Variants in GALNTL6 observed in about 807,000 individuals in gnomAD.
GALNTL6 encodes the protein polypeptide N-acetylgalactosaminyltransferase like 6, also known as polypeptide N-acetylgalactosaminyltransferase-like 6.
In GALNTL6, 46 loss-of-function variants were observed where a neutral mutation model predicts 73.7. The observed-to-expected ratio is 0.62, with a 90% CI of 0.49 to 0.80. The LOEUF (loss-of-function observed/expected upper bound fraction) is 0.80, where lower values mean the gene tolerates loss of function less well. Among genes scored for constraint, GALNTL6 ranks in the 30% least tolerant of loss-of-function variants. The pLI is 0.00. For missense variants in GALNTL6, 604 were observed against 755.0 expected (o/e 0.80, Z 2.34); for synonymous variants, 259 against 263.7 (o/e 0.98, Z 0.17).
chr4:172,140,853 T>C (rs1003858953), intron 2 of GALNTL6, among the ~76,000 whole-genome samples: 4 of 151,978 alleles, frequency 2.6e-5, no homozygotes, highest in South Asian at 2.1e-4. Context: ...TCAAGTATCA[T>C]TGGCACTCAG....
intron 2 of GALNTL6, among the ~76,000 whole-genome samples, chr4:171,858,832 G>A (rs760800452): frequency 9.9e-5 from 15 of 151,816 alleles, no homozygotes; most frequent in Non-Finnish European, 1.8e-4. Flanking sequence ...ATAAAGCTCA[G>A]GAAAAACTCC....
Position 171,883,799 on chromosome 4 carries a change from C to A in GALNTL6, c.138+69081C>A, listed in dbSNP as rs1021011330. 5.3e-5 allele frequency among the ~76,000 whole-genome samples: 8 copies of A among 152,048 alleles called. No homozygotes were observed. The South Asian group carries it at 8.3e-4, about 16-fold the overall frequency. Reference sequence around the variant, plus strand: ...AGTAGCTGGGACTACAGGCGCCTGCCACCACACCTGGCTAATTTTTTGTAT... The same window carrying A: ...AGTAGCTGGGACTACAGGCGCCTGCAACCACACCTGGCTAATTTTTTGTAT... On this transcript the variant is annotated intron_variant, in intron 2 of 12. Coordinates refer to ENST00000506823, the MANE Select transcript of GALNTL6 (RefSeq NM_001034845.3).
intron 2 of GALNTL6, among the ~76,000 whole-genome samples, chr4:171,917,638 C>G (rs1308600001): frequency 6.6e-6 from 1 of 152,092 alleles, no homozygotes; most frequent in Non-Finnish European, 1.5e-5. Context: ...GGAGCAAACT[C>G]ATGTTTTCTT....
rs143500181 is a variant in GALNTL6 at position 172,934,343 on chromosome 4, A to C, written c.1149+3075A>C. Among the ~76,000 whole-genome samples, 297 of 152,324 alleles carry C rather than the reference A, an allele frequency of 1.9e-3. 1 individual carries two copies. The highest frequency in any genetic ancestry group is 6.7e-3 in the African/African-American group (280 of 41,570). ...CTAATATTTCACCCAGCCTCAGTGA[A>C]CTAAGAAAAATGATAATCCCAAAGA... On this transcript the variant is annotated intron_variant, in intron 9 of 12. Coordinates refer to ENST00000506823, the MANE Select transcript of GALNTL6 (RefSeq NM_001034845.3).
chr4:172,607,179 T>A (rs1338834638), intron 5 of GALNTL6, among the ~76,000 whole-genome samples: 2 of 152,186 alleles, frequency 1.3e-5, no homozygotes, highest in African/African-American at 4.8e-5. Context: ...AACCCATTTA[T>A]GGACCTATAC....
chr4:172,725,353 C>T lies in GALNTL6; in HGVS notation c.554-84008C>T, dbSNP rs371599092. 2.0e-5 allele frequency among the ~76,000 whole-genome samples: 3 copies of T among 152,182 alleles called. No homozygotes were observed. The East Asian group carries it at 5.8e-4, about 29-fold the overall frequency. On this transcript the variant is annotated intron_variant, in intron 5 of 12. Coordinates refer to ENST00000506823, the MANE Select transcript of GALNTL6 (RefSeq NM_001034845.3). ...CACCTTCTACTGTACTCAGGCTCCA[C>T]ACATTCTTCTAGTTTTAGGAATGCA... is the stretch of plus-strand genomic sequence containing the variant.
intron 2 of GALNTL6, among the ~76,000 whole-genome samples, chr4:171,989,206 G>A (rs983526562): frequency 5.9e-5 from 9 of 151,920 alleles, no homozygotes; most frequent in East Asian, 1.9e-4. Context: ...AGAAGGGGAC[G>A]GACTTACTTT....
At chr4:172,156,389 C>A (rs1296773730) in intron 2 of GALNTL6, among the ~76,000 whole-genome samples, 2 of 151,552 alleles carry the variant, frequency 1.3e-5, no homozygotes, top group Non-Finnish European at 2.9e-5. Context: ...AAAAAACTAT[C>A]TTTTTAAAAT....
At chr4:171,881,341 T>G (rs1397535014) in intron 2 of GALNTL6, among the ~76,000 whole-genome samples, 1 of 152,210 alleles carries the variant, frequency 6.6e-6, no homozygotes, top group East Asian at 1.9e-4. Context: ...GGTATGGCTC[T>G]GTGTCTCCAC....
At chr4:171,973,639 G>T (rs1455781187) in intron 2 of GALNTL6, among the ~76,000 whole-genome samples, 2 of 152,072 alleles carry the variant, frequency 1.3e-5, no homozygotes, top group African/African-American at 4.8e-5. Context: ...TCCAAATAAA[G>T]CTACATTCTT....
chr4:171,983,042 T>C (rs1187675972), intron 2 of GALNTL6, among the ~76,000 whole-genome samples: 3 of 152,192 alleles, frequency 2.0e-5, no homozygotes, highest in Non-Finnish European at 4.4e-5. Context: ...TAAATATTGA[T>C]GTACCGAAAA....
intron 3 of GALNTL6, among the ~76,000 whole-genome samples, chr4:172,286,914 C>T (rs1444395360): frequency 2.6e-5 from 4 of 152,152 alleles, no homozygotes; most frequent in African/African-American, 2.4e-5. Flanking sequence ...ATGCCCTTCT[C>T]GCTTAAATTC....
At chr4:172,125,955 T>TGA (rs1733282680) in intron 2 of GALNTL6, among the ~76,000 whole-genome samples, 1 of 152,122 alleles carries the variant, frequency 6.6e-6, no homozygotes, top group South Asian at 2.1e-4. Flanking sequence ...TTCCTTCTTA[T>TGA]ACTTTCTCTT....
At chr4:172,452,203 G>C (rs914254753) in intron 5 of GALNTL6, among the ~76,000 whole-genome samples, 15 of 152,068 alleles carry the variant, frequency 9.9e-5, no homozygotes, top group Admixed American at 1.3e-4. Flanking sequence ...ACACTAAACA[G>C]ACCATGGGAT....
intron 7 of GALNTL6, among the ~76,000 whole-genome samples, chr4:172,820,644 TTAGGA>T (rs1741871804): frequency 6.6e-6 from 1 of 152,162 alleles, no homozygotes; most frequent in South Asian, 2.1e-4. Context: ...CCCATCCCTA[TTAGGA>T]CAACTCCAGA....
chr4:172,058,503 T>C (rs1228866845), intron 2 of GALNTL6, among the ~76,000 whole-genome samples: 1 of 151,966 alleles, frequency 6.6e-6, no homozygotes, highest in Non-Finnish European at 1.5e-5. Flanking sequence ...TTCACCTTGA[T>C]TTTTTTTCTT....
chr4:172,215,838 GC>G (rs1736478276), intron 2 of GALNTL6, among the ~76,000 whole-genome samples: 1 of 151,424 alleles, frequency 6.6e-6, no homozygotes, highest in South Asian at 2.1e-4. Flanking sequence ...AATTCAATTT[GC>G]CCCCTTTCAT....
intron 5 of GALNTL6, among the ~76,000 whole-genome samples, chr4:172,640,173 C>G (rs1030200409): frequency 1.4e-4 from 21 of 152,232 alleles, no homozygotes; most frequent in South Asian, 4.1e-4. Context: ...CATTACATTA[C>G]AAATGCACAG....
intron 12 of GALNTL6, among the ~76,000 whole-genome samples, chr4:173,032,437 C>T (rs1228361076): frequency 1.8e-4 from 27 of 148,072 alleles, no homozygotes; most frequent in African/African-American, 6.5e-4. Flanking sequence ...GGCGACAGAG[C>T]GAGACTCCGT....
Sources: gnomAD v4.1 joint callset for allele counts (sites outside exome capture counted in the v4.1 genomes callset) on GRCh38, gnomAD v4.1.1 for gene constraint, MANE v1.5 for transcripts, NCBI Gene and HGNC (gene_info 2026-07-23, HGNC 2026-07-21) for gene names.